The following OSBPL11 variants were observed in gnomAD, a reference collection of about 807,000 sequenced individuals.
The protein encoded by OSBPL11 is oxysterol-binding protein-related protein 11.
In OSBPL11, 33 loss-of-function variants were observed where a neutral mutation model predicts 84.4. The observed-to-expected ratio is 0.39, with a 90% CI of 0.30 to 0.52. The LOEUF is 0.52. Among genes scored for constraint, OSBPL11 ranks in the 20% least tolerant of loss-of-function variants. OSBPL11 has a pLI of 0.72. For synonymous variants in OSBPL11, 276 were observed against 310.2 expected, an observed-to-expected ratio of 0.89 and a Z score of 1.16; for missense variants, 736 against 901.1, an observed-to-expected ratio of 0.82 and a Z score of 2.35.
chr3:125,585,488 A>G (rs1302179938), intron 1 of OSBPL11, among the ~76,000 whole-genome samples: 2 of 151,532 alleles, frequency 1.3e-5, no homozygotes, highest in Non-Finnish European at 2.9e-5. Context: ...TAATTTTCTA[A>G]TGTTATTAAT....
intron 10 of OSBPL11, among the ~76,000 whole-genome samples, chr3:125,543,613 T>C (rs1559836337): frequency 6.6e-6 from 1 of 152,066 alleles, no homozygotes; most frequent in Non-Finnish European, 1.5e-5. Flanking sequence ...AAAGCAACCA[T>C]TTTGGGTGGG....
intron 6 of OSBPL11, 91 bp downstream of exon 6, chr3:125,567,303 T>TA: frequency 8.5e-7 from 1 of 1,174,276 alleles, no homozygotes; most frequent in South Asian, 1.4e-5. Context: ...TTTTTTAAGT[T>TA]AAGATTTTCT....
chr3:125,536,746 T>C (rs956677746), intron 11 of OSBPL11, among the ~76,000 whole-genome samples: 1 of 152,210 alleles, frequency 6.6e-6, no homozygotes, highest in Non-Finnish European at 1.5e-5. Flanking sequence ...AAGTGATTAA[T>C]TCTGCTTGTA....
At chr3:125,585,291 C>T (rs781718485) in intron 1 of OSBPL11, among the ~76,000 whole-genome samples, 5 of 151,954 alleles carry the variant, frequency 3.3e-5, no homozygotes, top group Non-Finnish European at 5.9e-5. Flanking sequence ...CTACCATGCC[C>T]ACCTAATTTT....
intron 1 of OSBPL11, among the ~76,000 whole-genome samples, chr3:125,587,893 C>T (rs959773728): frequency 6.6e-5 from 10 of 152,108 alleles, no homozygotes; most frequent in Admixed American, 2.6e-4. Flanking sequence ...GAGCTGCAAT[C>T]GTGCCATTGC....
rs1288147492 is a variant in OSBPL11 at position 125,538,462 on chromosome 3, T to C, written c.2013A>G (p.Pro671=). The C allele has an allele frequency of 1.9e-6, 3 of 1,613,436 alleles. No individual in the cohort carries two copies. The highest frequency in any genetic ancestry group is 3.3e-5 in the Admixed American group (2 of 59,948). ...CAAGGATGACATACCTGGATTCAAATGGATCCTGCTTCTCCAGAGGTCTCA... is the reference window on the plus strand; with the variant it reads ...CAAGGATGACATACCTGGATTCAAACGGATCCTGCTTCTCCAGAGGTCTCA... ...KRVRPLEKQD[P]FESRRLWKNV... Residue 671 remains proline (P), a synonymous_variant, in exon 11 of 13, where the codon CCA becomes CCG. Transcript: ENST00000296220.
At chr3:125,534,990 C>T (rs1486573165) in intron 11 of OSBPL11, among the ~76,000 whole-genome samples, 2 of 76,088 alleles carry the variant, frequency 2.6e-5, no homozygotes, top group African/African-American at 5.1e-5. Context: ...AAATTATTTA[C>T]AATGTAAGGA....
intron 10 of OSBPL11, 101 bp downstream of exon 10, chr3:125,547,305 A>G: frequency 1.0e-6 from 1 of 980,720 alleles, no homozygotes; most frequent in Non-Finnish European, 1.5e-6. Flanking sequence ...CATTAATACA[A>G]ATCCAACTTC....
At chr3:125,577,517 C>A (rs561319821) in intron 4 of OSBPL11, among the ~76,000 whole-genome samples, 2 of 152,032 alleles carry the variant, frequency 1.3e-5, no homozygotes, top group African/African-American at 4.8e-5. Context: ...TAACAAGTGT[C>A]GGCAAGGATG....
intron 11 of OSBPL11, among the ~76,000 whole-genome samples, chr3:125,535,439 C>CTTTTTTT (rs763678488): frequency 1.1e-4 from 9 of 84,282 alleles, no homozygotes; most frequent in South Asian, 4.4e-4. Context: ...TCAGAAGCAT[C>CTTTTTTT]TTTTTTTTTT....
At chr3:125,587,333 T>C (rs1936528949) in intron 1 of OSBPL11, among the ~76,000 whole-genome samples, 1 of 152,228 alleles carries the variant, frequency 6.6e-6, no homozygotes, top group Non-Finnish European at 1.5e-5. Context: ...AAATTTTGGA[T>C]TTGTTCCAAC....
chr3:125,533,275 G>T (rs1935589873), intron 11 of OSBPL11, among the ~76,000 whole-genome samples: 1 of 144,448 alleles, frequency 6.9e-6, no homozygotes, highest in African/African-American at 2.6e-5. Flanking sequence ...TTGAGACAGG[G>T]TCTCACTGTC....
Position 125,538,607 on chromosome 3 carries a change from A to G in OSBPL11, c.1868T>C (p.Ile623Thr), listed in dbSNP as rs191137749. The change falls in exon 11 of 13, where the codon ATC (isoleucine) becomes ACC (threonine). Residue 623 changes from isoleucine to threonine, a missense_variant. Transcript: ENST00000296220. ...CACTCTGCATACCACAGTGTTGGTG[A>G]TGTTGTGCTTTACTTCAGCTGTAAC... is the stretch of plus-strand genomic sequence containing the variant. ...HRVTAEVKHN[I>T]TNTVVCRVQG... 1.2e-6 allele frequency: 2 copies of G among 1,611,200 alleles called. No homozygotes were observed. The highest frequency in any genetic ancestry group is 2.2e-5 in the East Asian group (1 of 44,762).
chr3:125,576,519 T>C (rs1936326655), intron 4 of OSBPL11, among the ~76,000 whole-genome samples, 154 bp from the exon 5 acceptor site: 1 of 152,098 alleles, frequency 6.6e-6, no homozygotes. Flanking sequence ...AAGATAAAAA[T>C]CTGAGATACT....
chr3:125,544,832 T>C lies in OSBPL11; in HGVS notation c.1841+2574A>G, dbSNP rs548742269. On this transcript the variant is annotated intron_variant, in intron 10 of 12. Coordinates refer to ENST00000296220, the MANE Select transcript of OSBPL11 (RefSeq NM_022776.5). ...ATCTACAATATCTCAACTATGTACA[T>C]CTTGTATCAATAAATGACATAGAAT... is the stretch of plus-strand genomic sequence containing the variant. 2.0e-5 allele frequency among the ~76,000 whole-genome samples: 3 copies of C among 152,350 alleles called. No homozygotes were observed. The East Asian group carries it at 5.8e-4, about 29-fold the overall frequency.
intron 7 of OSBPL11, 147 bp downstream of exon 7, chr3:125,563,551 C>T: frequency 1.4e-6 from 1 of 739,390 alleles, no homozygotes; most frequent in Admixed American, 3.2e-5. Context: ...TCTTCAAAAA[C>T]AATGCAGTTT....
intron 11 of OSBPL11, among the ~76,000 whole-genome samples, chr3:125,533,665 A>G (rs1175452153): frequency 6.6e-6 from 1 of 152,258 alleles, no homozygotes; most frequent in Non-Finnish European, 1.5e-5. Context: ...GGAATTCTCC[A>G]TAAATAACCA....
At chr3:125,534,891 T>C (rs1935616194) in intron 11 of OSBPL11, among the ~76,000 whole-genome samples, 1 of 140,754 alleles carries the variant, frequency 7.1e-6, no homozygotes, top group African/African-American at 2.7e-5. Flanking sequence ...AAAATATTAA[T>C]TGGCCTTTTA....
intron 5 of OSBPL11, among the ~76,000 whole-genome samples, chr3:125,574,757 C>A (rs1936296220): frequency 6.6e-6 from 1 of 152,122 alleles, no homozygotes; most frequent in Admixed American, 6.6e-5. Flanking sequence ...ATTTTACTCA[C>A]TGTATAATAA....
Sources: allele counts gnomAD v4.1 joint callset (sites outside exome capture counted in the v4.1 genomes callset), GRCh38; gene constraint gnomAD v4.1.1; transcripts MANE v1.5; gene names NCBI Gene and HGNC (gene_info 2026-07-23, HGNC 2026-07-21).